ACYP2: variants seen among roughly 807,000 people sequenced by gnomAD.
ACYP2 encodes the protein acylphosphatase-2.
ACYP2 carries 12 observed loss-of-function variants against 11.2 expected under a neutral mutation model. The ratio of observed to expected loss-of-function variants is 1.08; its 90% CI spans 0.69 to 1.74. The LOEUF is 1.74. Among genes scored for constraint, ACYP2 ranks in the 40% most tolerant of loss-of-function variants. The pLI, the probability that ACYP2 is intolerant of heterozygous loss-of-function variation, is 0.00. For missense variants in ACYP2, 134 were observed against 101.9 expected (o/e 1.31, Z -1.35); for synonymous variants, 43 against 32.2 (o/e 1.33, Z -1.13).
At chr2:54,255,288 AG>A in intron 6 of ACYP2, 2 of 1,614,184 alleles carry the variant, frequency 1.2e-6, no homozygotes, top group East Asian at 4.5e-5. Flanking sequence ...AGCCTGTCCT[AG>A]GGTGTCTGAG....
chr2:54,188,652 A>G (rs758148143), intron 6 of ACYP2, among the ~76,000 whole-genome samples: 5 of 152,202 alleles, frequency 3.3e-5, no homozygotes, highest in Non-Finnish European at 7.3e-5. Context: ...TATAATCAGA[A>G]ATTGTTGTTT....
chr2:54,205,065 AT>A (rs1374422707), intron 6 of ACYP2, among the ~76,000 whole-genome samples: 1 of 143,090 alleles, frequency 7.0e-6, no homozygotes, highest in Non-Finnish European at 1.6e-5. Flanking sequence ...TCTTCCATTA[AT>A]TTGGCTTTTG....
At chr2:54,301,754 T>C (rs1444639851) in intron 6 of ACYP2, among the ~76,000 whole-genome samples, 1 of 152,182 alleles carries the variant, frequency 6.6e-6, no homozygotes, top group Non-Finnish European at 1.5e-5. Flanking sequence ...GACTATTTTT[T>C]TGCTTGGAGA....
chr2:54,271,609 C>A (rs1688309077), intron 6 of ACYP2, among the ~76,000 whole-genome samples: 1 of 151,998 alleles, frequency 6.6e-6, no homozygotes, highest in Non-Finnish European at 1.5e-5. Context: ...CAAACCCTAG[C>A]CCCTTATCAG....
intron 6 of ACYP2, chr2:54,267,437 A>T: frequency 1.5e-6 from 2 of 1,371,502 alleles, no homozygotes; most frequent in Non-Finnish European, 2.0e-6. Flanking sequence ...AGAAGGAGGG[A>T]GAAGGAATTG....
At chr2:54,168,151 A>G (rs953904370) in intron 6 of ACYP2, among the ~76,000 whole-genome samples, 2 of 152,146 alleles carry the variant, frequency 1.3e-5, no homozygotes, top group Non-Finnish European at 2.9e-5. Context: ...CAGGCCAGGC[A>G]CAGTGGCTCA....
rs370999427 is a variant in ACYP2, at chr2:54,091,720, C to G, written c.277+34360C>G. On this transcript the variant is annotated intron_variant, in intron 4 of 6. Coordinates refer to ENST00000607452, the MANE Select transcript of ACYP2 (RefSeq NM_001320586.2). ...AGAGATGCGGTTTTGCCATGTTGGT[C>G]GGGCTGGTCTCGAACTCCTGATGTC... Among the ~76,000 whole-genome samples the G allele has an allele frequency of 2.0e-5, 3 of 152,042 alleles. No individual in the cohort carries two copies. In the East Asian group the frequency reaches 5.8e-4, roughly 29 times the overall value.
chr2:54,200,709 A>G (rs1572924667), intron 6 of ACYP2, among the ~76,000 whole-genome samples: 1 of 152,332 alleles, frequency 6.6e-6, no homozygotes, highest in South Asian at 2.1e-4. Flanking sequence ...TAATGCTGCT[A>G]TGAACATTCA....
chr2:54,138,495 T>A, intron 5 of ACYP2, 144 bp from the exon 3 acceptor site: 2 of 565,582 alleles, frequency 3.5e-6, no homozygotes, highest in Non-Finnish European at 6.3e-6. Flanking sequence ...AAGTAGAGGT[T>A]ACTGTAGGTC....
rs374442168 is a variant in ACYP2, at chr2:53,995,488, T to TTTTATTTATTTATTTATTTA, written c.62+21690_62+21709dup. ...ATTATTTTTTATTTATTTATTTATT[T>TTTTATTTATTTATTTATTTA]TTTATTTATTTATTTATTTATTTAT... On this transcript the variant is annotated intron_variant, in intron 2 of 6. Coordinates refer to ENST00000607452, the MANE Select transcript of ACYP2 (RefSeq NM_001320586.2). Among the ~76,000 whole-genome samples, 255 of 145,110 alleles carry TTTTATTTATTTATTTATTTA rather than the reference T, an allele frequency of 1.8e-3. 1 individual carries two copies. Among genetic ancestry groups the TTTTATTTATTTATTTATTTA allele is most frequent in the African/African-American group, 5.8e-3 (227 of 39,386 alleles).
Position 54,201,636 on chromosome 2 carries a change from C to CTTTCTTTCTTTT in ACYP2, c.404+62889_404+62890insTTCTTTCTTTTT, listed in dbSNP as rs59874821. 3.6e-4 allele frequency among the ~76,000 whole-genome samples: 34 copies of CTTTCTTTCTTTT among 93,696 alleles called. 1 individual carries two copies. Among genetic ancestry groups the CTTTCTTTCTTTT allele is most frequent in the South Asian group, 7.9e-4 (2 of 2,520 alleles). The allele number at this position is 93,696 out of a possible 152,430, so 61.5% of individuals were successfully genotyped here. The stretch of plus-strand genomic sequence containing the variant: ...TCTTTCTTTCTTTGTTTCTTTCTTT[C>CTTTCTTTCTTTT]TCTTTCTTTCTTTCTTTCTTTCTTT... On this transcript the variant is annotated intron_variant, in intron 6 of 6. Coordinates refer to ENST00000607452, the MANE Select transcript of ACYP2 (RefSeq NM_001320586.2).
At chr2:54,280,108 T>C (rs1037209690) in intron 6 of ACYP2, among the ~76,000 whole-genome samples, 2 of 152,130 alleles carry the variant, frequency 1.3e-5, no homozygotes, top group African/African-American at 4.8e-5. Flanking sequence ...GTTACAAATC[T>C]GTTTTTTTCA....
intron 6 of ACYP2, among the ~76,000 whole-genome samples, chr2:54,263,063 C>T (rs2104049480): frequency 1.3e-5 from 2 of 152,164 alleles, no homozygotes; most frequent in South Asian, 4.2e-4. Context: ...TTAGGTCATT[C>T]TTGAATTGCT....
chr2:54,042,741 C>T (rs1675301986), intron 2 of ACYP2, among the ~76,000 whole-genome samples: 1 of 152,122 alleles, frequency 6.6e-6, no homozygotes, highest in African/African-American at 2.4e-5. Flanking sequence ...AATTTGTATT[C>T]AGCAGGCCGA....
chr2:54,136,951 GGAC>G (rs1414559260), intron 5 of ACYP2, among the ~76,000 whole-genome samples: 1 of 152,108 alleles, frequency 6.6e-6, no homozygotes. Flanking sequence ...ACTCCAGCCT[GGAC>G]GACAAGAGTG....
chr2:54,093,768 G>A (rs1001120099), intron 4 of ACYP2, among the ~76,000 whole-genome samples: 18 of 151,972 alleles, frequency 1.2e-4, no homozygotes, highest in African/African-American at 4.1e-4. Flanking sequence ...GTGAAAACCC[G>A]TCTCTACTAA....
chr2:54,111,595 T>G (rs1679465545), intron 4 of ACYP2, among the ~76,000 whole-genome samples: 1 of 152,244 alleles, frequency 6.6e-6, no homozygotes, highest in African/African-American at 2.4e-5. Flanking sequence ...TAAAGCCTCT[T>G]CTGGGAAACC....
At chr2:54,207,830 C>T (rs1484313317) in intron 6 of ACYP2, among the ~76,000 whole-genome samples, 1 of 152,146 alleles carries the variant, frequency 6.6e-6, no homozygotes, top group Non-Finnish European at 1.5e-5. Context: ...TGGTATTGTT[C>T]TAGTTTGTTC....
intron 4 of ACYP2, among the ~76,000 whole-genome samples, chr2:54,065,083 CTAAATAAATAAATAAATAAA>C (rs58007169): frequency 6.7e-5 from 10 of 148,814 alleles, no homozygotes; most frequent in South Asian, 2.1e-4. Context: ...GACTCCATCT[CTAAATAAATAAATAAATAAA>C]TAAATAAATA....
Sources: gnomAD v4.1 joint callset for allele counts (sites outside exome capture counted in the v4.1 genomes callset) on GRCh38, gnomAD v4.1.1 for gene constraint, MANE v1.5 for transcripts, NCBI Gene and HGNC (gene_info 2026-07-23, HGNC 2026-07-21) for gene names.